Variants in CTIF observed in about 807,000 individuals in gnomAD.
CTIF encodes cap binding complex dependent translation initiation factor, also known as CBP80/20-dependent translation initiation factor.
In CTIF, 21 loss-of-function variants were observed where a neutral mutation model predicts 66.0. That is an observed-to-expected ratio of 0.32 (90% CI 0.23 to 0.46). The LOEUF is 0.46. CTIF is among the 20% of genes least tolerant of loss of function. The pLI is 1.00. For synonymous variants in CTIF, 345 were observed against 326.4 expected (o/e 1.06, Z -0.62); for missense variants, 739 against 812.7 (o/e 0.91, Z 1.10).
intron 10 of CTIF, among the ~76,000 whole-genome samples, chr18:48,827,645 G>T (rs1294034252): frequency 6.6e-6 from 1 of 150,508 alleles, no homozygotes; most frequent in Admixed American, 6.7e-5. Flanking sequence ...CACAGACCCC[G>T]CCTGGAATGT....
At chr18:48,808,703 C>A (rs976078951) in intron 9 of CTIF, among the ~76,000 whole-genome samples, 2 of 152,106 alleles carry the variant, frequency 1.3e-5, no homozygotes, top group African/African-American at 4.8e-5. Flanking sequence ...TGTGATAAAC[C>A]TTTGTGGATG....
At chr18:48,695,298 A>T (rs558016734) in intron 6 of CTIF, among the ~76,000 whole-genome samples, 4 of 151,974 alleles carry the variant, frequency 2.6e-5, no homozygotes, top group South Asian at 4.2e-4. Flanking sequence ...TCATTTGTTC[A>T]CTCCATCAAT....
intron 1 of CTIF, among the ~76,000 whole-genome samples, chr18:48,598,574 G>A (rs2090029522): frequency 6.6e-6 from 1 of 152,172 alleles, no homozygotes; most frequent in South Asian, 2.1e-4. Context: ...TTTAAGGTCA[G>A]AACTTGGGAA....
chr18:48,619,451 C>A, intron 1 of CTIF, 87 bp from the exon 2 acceptor site: 1 of 845,674 alleles, frequency 1.2e-6, no homozygotes, highest in African/African-American at 1.7e-5. Flanking sequence ...GAAGATGCTT[C>A]CAGGAGCAGA....
intron 5 of CTIF, among the ~76,000 whole-genome samples, chr18:48,668,691 G>A (rs573221421): frequency 1.3e-4 from 20 of 152,028 alleles, no homozygotes; most frequent in African/African-American, 4.3e-4. Flanking sequence ...CTTTGCCTGC[G>A]CCGTGTCAGC....
intron 9 of CTIF, among the ~76,000 whole-genome samples, chr18:48,814,935 G>A (rs1005481599): frequency 6.6e-6 from 1 of 152,224 alleles, no homozygotes; most frequent in Non-Finnish European, 1.5e-5. Context: ...GGAGGCAGGA[G>A]GCCTGAGGGG....
chr18:48,689,853 G>A (rs2091900502), intron 6 of CTIF, among the ~76,000 whole-genome samples: 1 of 152,148 alleles, frequency 6.6e-6, no homozygotes, highest in Non-Finnish European at 1.5e-5. Flanking sequence ...TGGGCATGAG[G>A]CACTTGTAAA....
chr18:48,741,432 T>C (rs1338144630), intron 7 of CTIF, among the ~76,000 whole-genome samples: 1 of 149,584 alleles, frequency 6.7e-6, no homozygotes, highest in East Asian at 2.0e-4. Flanking sequence ...TTTTTTTTTT[T>C]TTTTTTTTGA....
At chr18:48,626,344 A>C (rs1032288280) in intron 2 of CTIF, among the ~76,000 whole-genome samples, 6 of 146,436 alleles carry the variant, frequency 4.1e-5, no homozygotes, top group African/African-American at 7.6e-5. Context: ...CAATCTTTTT[A>C]TTTTCTTTTT....
intron 10 of CTIF, among the ~76,000 whole-genome samples, chr18:48,824,543 T>C (rs896342651): frequency 2.0e-5 from 3 of 152,184 alleles, no homozygotes; most frequent in African/African-American, 7.2e-5. Context: ...TAGGTTATCA[T>C]TGAATGCCTC....
intron 1 of CTIF, among the ~76,000 whole-genome samples, chr18:48,615,005 A>G (rs1231727107): frequency 2.0e-5 from 3 of 152,112 alleles, no homozygotes; most frequent in Non-Finnish European, 4.4e-5. Flanking sequence ...GGCTCAAGCA[A>G]TCCTCCTGCC....
intron 5 of CTIF, among the ~76,000 whole-genome samples, chr18:48,669,191 A>ATT (rs35015068): frequency 2.0e-4 from 30 of 149,856 alleles, no homozygotes; most frequent in Non-Finnish European, 3.1e-4. Context: ...ACCAAAACTG[A>ATT]TTTTTTTTTT....
intron 9 of CTIF, among the ~76,000 whole-genome samples, chr18:48,797,702 C>T (rs1220554419): frequency 2.0e-5 from 3 of 152,138 alleles, no homozygotes; most frequent in Non-Finnish European, 4.4e-5. Context: ...CCACGTGTTC[C>T]TCAGATTCAT....
chr18:48,542,849 G>T (rs944685633), intron 1 of CTIF, among the ~76,000 whole-genome samples: 1 of 152,208 alleles, frequency 6.6e-6, no homozygotes. Context: ...CCAGAGGTAT[G>T]TTCTTCTGTG....
chr18:48,697,839 A>G (rs1186984677), intron 6 of CTIF, among the ~76,000 whole-genome samples: 2 of 152,046 alleles, frequency 1.3e-5, no homozygotes, highest in Non-Finnish European at 2.9e-5. Context: ...CTGATAAGCC[A>G]GAAAGCACCT....
intron 9 of CTIF, among the ~76,000 whole-genome samples, chr18:48,808,516 CTTT>C (rs34004475): frequency 5.9e-5 from 8 of 135,510 alleles, no homozygotes; most frequent in African/African-American, 8.1e-5. Context: ...ATTTTTGGTC[CTTT>C]TTTTTTTTTT....
intron 10 of CTIF, among the ~76,000 whole-genome samples, chr18:48,838,153 T>C (rs954754724): frequency 6.6e-6 from 1 of 151,412 alleles, no homozygotes; most frequent in African/African-American, 2.4e-5. Context: ...AAGTGTGTAG[T>C]CTTGGCATTA....
At chr18:48,657,664 G>A (rs2091266512) in intron 3 of CTIF, among the ~76,000 whole-genome samples, 1 of 152,130 alleles carries the variant, frequency 6.6e-6, no homozygotes, top group Admixed American at 6.5e-5. Context: ...CAGGGTGTGG[G>A]CTGCTGAGGA....
chr18:48,852,233 TAAAAAAAAAAAAAAAAAAAA>T (rs10591389), intron 10 of CTIF, among the ~76,000 whole-genome samples: 5 of 66,596 alleles, frequency 7.5e-5, no homozygotes, highest in Admixed American at 2.4e-4. Flanking sequence ...GACCCTGTCT[TAAAAAAAAAAAAAAAAAAAA>T]AAAAAAAAAG....
Sources: gnomAD v4.1 joint callset for allele counts (sites outside exome capture counted in the v4.1 genomes callset) on GRCh38, gnomAD v4.1.1 for gene constraint, MANE v1.5 for transcripts, NCBI Gene and HGNC (gene_info 2026-07-23, HGNC 2026-07-21) for gene names.